Variants in ABCB5 observed in about 807,000 individuals in gnomAD.
The protein encoded by ABCB5 is ATP-binding cassette sub-family B member 5.
A neutral mutation model predicts 144.2 loss-of-function variants in ABCB5; 155 were observed. The observed-to-expected ratio is 1.08, with a 90% CI of 0.94 to 1.23. ABCB5 has a LOEUF of 1.23. Among genes scored for constraint, ABCB5 ranks in the 50% most tolerant of loss-of-function variants. The probability of loss-of-function intolerance (pLI) is 0.00; values close to 1 mark genes in which losing one functional copy is unlikely to be tolerated. For synonymous variants in ABCB5, 610 were observed against 528.6 expected (o/e 1.15, Z -2.11); for missense variants, 1,830 against 1,520.8 (o/e 1.20, Z -3.38).
At chr7:20,668,563 C>A (rs1230339990) in intron 14 of ABCB5, among the ~76,000 whole-genome samples, 6 of 150,304 alleles carry the variant, frequency 4.0e-5, no homozygotes, top group Non-Finnish European at 5.9e-5. Flanking sequence ...CGTCTCCGCC[C>A]GGCAGCCACC....
chr7:20,619,778 T>G (rs1481964126), intron 1 of ABCB5, among the ~76,000 whole-genome samples: 1 of 152,212 alleles, frequency 6.6e-6, no homozygotes. Flanking sequence ...GGATATTTCT[T>G]AAGTTTTCTT....
chr7:20,743,754 T>C (rs539674226), intron 25 of ABCB5, among the ~76,000 whole-genome samples: 16 of 152,224 alleles, frequency 1.1e-4, no homozygotes, highest in African/African-American at 3.6e-4. Context: ...GCCATGTTAG[T>C]CCTCATTCTC....
intron 26 of ABCB5, among the ~76,000 whole-genome samples, chr7:20,752,574 C>G (rs1218257717): frequency 6.6e-6 from 1 of 152,300 alleles, no homozygotes; most frequent in South Asian, 2.1e-4. Flanking sequence ...CCTGGCCAGG[C>G]GCGGTAGCTC....
Position 20,727,082 on chromosome 7 carries a change from T to A in ABCB5, c.2668T>A (p.Leu890Ile). 6.2e-7 allele frequency: 1 copy of A among 1,613,716 alleles called. No homozygotes were observed. The highest frequency in any genetic ancestry group is 8.5e-7 in the Non-Finnish European group (1 of 1,179,790). ...GGAGAATATACGTACTATAGTGTCATTAACAAGGGAAAAAGCCTTCGAGCA... is the reference window on the plus strand; with the variant it reads ...GGAGAATATACGTACTATAGTGTCAATAACAAGGGAAAAAGCCTTCGAGCA... ...ALENIRTIVS[L>I]TREKAFEQMY... The change falls in exon 22 of 28, where the codon TTA becomes ATA. Residue 890 changes from leucine to isoleucine, a missense_variant. By Grantham distance (5) the Leu-to-Ile change is conservative. Coordinates refer to ENST00000404938, the MANE Select transcript of ABCB5 (RefSeq NM_001163941.2).
chr7:20,726,048 C>A (rs993892555), intron 21 of ABCB5, among the ~76,000 whole-genome samples: 1 of 152,200 alleles, frequency 6.6e-6, no homozygotes, highest in Non-Finnish European at 1.5e-5. Context: ...CAGGAAGTTT[C>A]TCTTTCAAGC....
In ABCB5 at chr7:20,723,075, T is replaced by C; in HGVS notation, c.2481T>C (p.Val827=). Residue 827 remains valine (V), a synonymous_variant, in exon 21 of 28, where the codon GTT becomes GTC. Transcript: ENST00000404938. ...TQNATNMGLS[V]IISFIYGWEM... ...ATGCAACTAACATGGGACTTTCAGT[T>C]ATCATTTCCTTTATATATGGATGGG... 2.5e-6 allele frequency: 4 copies of C among 1,614,186 alleles called. No individual in the cohort carries two copies. The highest frequency in any genetic ancestry group is 3.4e-6 in the Non-Finnish European group (4 of 1,180,032).
At chr7:20,643,676 T>C (rs1333402160) in intron 7 of ABCB5, 44 bp downstream of exon 7, 2 of 1,598,358 alleles carry the variant, frequency 1.3e-6, no homozygotes, top group East Asian at 2.2e-5. Context: ...AGCAGCAGTG[T>C]GGACTAAATG....
chr7:20,636,782 CAAAAAAA>C (rs35824075), intron 5 of ABCB5, among the ~76,000 whole-genome samples: 2 of 74,246 alleles, frequency 2.7e-5, no homozygotes, highest in East Asian at 5.3e-4. Context: ...AAGACTCCAT[CAAAAAAA>C]AAAAAAAAAA....
intron 23 of ABCB5, among the ~76,000 whole-genome samples, chr7:20,732,090 A>G (rs552105592): frequency 1.3e-5 from 2 of 152,060 alleles, no homozygotes; most frequent in African/African-American, 4.8e-5. Flanking sequence ...TTGCTTTCCA[A>G]TTTCATCCAC....
chr7:20,696,087 T>C (rs1328823053), intron 16 of ABCB5, among the ~76,000 whole-genome samples: 1 of 152,108 alleles, frequency 6.6e-6, no homozygotes, highest in Non-Finnish European at 1.5e-5. Flanking sequence ...GAAATGAAAG[T>C]ATATGTCCAC....
At chr7:20,628,619 G>A in intron 3 of ABCB5, 69 bp from the exon 4 acceptor site, 1 of 1,510,968 alleles carries the variant, frequency 6.6e-7, no homozygotes, top group Non-Finnish European at 9.0e-7. Context: ...GCTGTTGTGT[G>A]TGTGTGTGTG....
intron 1 of ABCB5, among the ~76,000 whole-genome samples, chr7:20,622,873 C>T (rs1783828319): frequency 6.6e-6 from 1 of 152,054 alleles, no homozygotes; most frequent in Non-Finnish European, 1.5e-5. Context: ...ACTACTGCAT[C>T]AGTTTTTTAA....
chr7:20,633,100 T>A (rs1427114714), intron 5 of ABCB5, among the ~76,000 whole-genome samples: 1 of 151,980 alleles, frequency 6.6e-6, no homozygotes, highest in African/African-American at 2.4e-5. Flanking sequence ...AAATACTTCT[T>A]AACATAAAAA....
chr7:20,746,475 C>G (rs971369605), intron 26 of ABCB5, among the ~76,000 whole-genome samples: 1 of 152,194 alleles, frequency 6.6e-6, no homozygotes, highest in African/African-American at 2.4e-5. Context: ...TTTTAAAAGT[C>G]CTCACCAGTC....
chr7:20,662,540 T>C (rs1040978116), intron 14 of ABCB5, among the ~76,000 whole-genome samples: 8 of 152,218 alleles, frequency 5.3e-5, no homozygotes, highest in Non-Finnish European at 1.5e-5. Context: ...CATCTCACTC[T>C]GTATTTGGAA....
intron 23 of ABCB5, among the ~76,000 whole-genome samples, chr7:20,738,378 G>C (rs1018960111): frequency 2.0e-5 from 3 of 152,076 alleles, no homozygotes; most frequent in African/African-American, 7.2e-5. Context: ...AACATGTTTT[G>C]AAACTGAGAT....
At chr7:20,728,008 C>T (rs1322693889) in intron 22 of ABCB5, among the ~76,000 whole-genome samples, 1 of 152,206 alleles carries the variant, frequency 6.6e-6, no homozygotes, top group Non-Finnish European at 1.5e-5. Context: ...AACCAAATCT[C>T]TAACTCTTAC....
At chr7:20,681,382 C>A in intron 14 of ABCB5, 123 bp from the exon 15 acceptor site, 2 of 1,097,032 alleles carry the variant, frequency 1.8e-6, no homozygotes, top group Non-Finnish European at 2.6e-6. Flanking sequence ...CCTCCTCGGC[C>A]TCCCAAAGTG....
chr7:20,729,740 T>A (rs1033386285), intron 23 of ABCB5, among the ~76,000 whole-genome samples: 5 of 152,214 alleles, frequency 3.3e-5, no homozygotes, highest in Non-Finnish European at 5.9e-5. Flanking sequence ...ATGTTATTTT[T>A]AACAAGCCCA....
Sources: allele counts gnomAD v4.1 joint callset (sites outside exome capture counted in the v4.1 genomes callset), GRCh38; gene constraint gnomAD v4.1.1; transcripts MANE v1.5; gene names NCBI Gene and HGNC (gene_info 2026-07-23, HGNC 2026-07-21).